Variants in RBFOX3 observed in about 807,000 individuals in gnomAD.
The protein encoded by RBFOX3 is RNA binding fox-1 homolog 3.
A neutral mutation model predicts 48.7 loss-of-function variants in RBFOX3; 17 were observed. The observed-to-expected ratio is 0.35, with a 90% confidence interval of 0.24 to 0.52. RBFOX3 has a LOEUF of 0.52. RBFOX3 is among the 20% of genes least tolerant of loss of function. The probability of loss-of-function intolerance (pLI) is 0.94; values close to 1 mark genes in which losing one functional copy is unlikely to be tolerated. For synonymous variants in RBFOX3, 212 were observed against 209.5 expected, an observed-to-expected ratio of 1.01 and a Z score of -0.10; for missense variants, 382 against 497.5, an observed-to-expected ratio of 0.77 and a Z score of 2.21.
At chr17:79,367,978 C>T (rs1296631336) in intron 2 of RBFOX3, among the ~76,000 whole-genome samples, 9 of 152,210 alleles carry the variant, frequency 5.9e-5, no homozygotes, top group African/African-American at 2.2e-4. Context: ...CAAAGACAAA[C>T]AACAACCGAG....
At chr17:79,130,922 C>T (rs377230065) in intron 4 of RBFOX3, among the ~76,000 whole-genome samples, 12 of 152,256 alleles carry the variant, frequency 7.9e-5, no homozygotes, top group African/African-American at 1.2e-4. Context: ...TGCTAGGACA[C>T]GGTGCGCGGG....
chr17:79,258,488 G>A (rs2065230619), intron 3 of RBFOX3, among the ~76,000 whole-genome samples: 1 of 152,174 alleles, frequency 6.6e-6, no homozygotes, highest in Non-Finnish European at 1.5e-5. Context: ...GAATGTGCTG[G>A]GCCAGCCCTT....
intron 4 of RBFOX3, among the ~76,000 whole-genome samples, chr17:79,223,626 T>A (rs2059980484): frequency 6.6e-6 from 1 of 152,046 alleles, no homozygotes; most frequent in South Asian, 2.1e-4. Flanking sequence ...GCGTGAGACA[T>A]GGAGAGGATG....
intron 2 of RBFOX3, among the ~76,000 whole-genome samples, chr17:79,430,589 C>T (rs1430230056): frequency 6.6e-6 from 1 of 152,224 alleles, no homozygotes; most frequent in East Asian, 1.9e-4. Flanking sequence ...CTGTGTCACC[C>T]AGGTGGAGTA....
intron 2 of RBFOX3, among the ~76,000 whole-genome samples, chr17:79,320,991 G>C (rs34240534): frequency 0.017 from 2,551 of 152,318 alleles, 36 homozygotes; most frequent in Middle Eastern, 0.041. Context: ...AATGTAACTG[G>C]TGGTTCCACC....
intron 4 of RBFOX3, among the ~76,000 whole-genome samples, chr17:79,137,666 C>CG (rs61113464): frequency 0.28 from 42,999 of 152,060 alleles, 7,120 homozygotes; most frequent in East Asian, 0.76. Flanking sequence ...GGGAGGGTGT[C>CG]GGGGGAGGAG....
intron 1 of RBFOX3, among the ~76,000 whole-genome samples, chr17:79,537,831 T>C (rs2089069718): frequency 1.3e-5 from 2 of 152,104 alleles, no homozygotes; most frequent in African/African-American, 4.8e-5. Context: ...GTGGTCACTG[T>C]CTCTCCTACA....
the RBFOX3 span, among the ~76,000 whole-genome samples, chr17:79,619,923 A>G: frequency 6.6e-6 from 1 of 152,208 alleles, no homozygotes; most frequent in Non-Finnish European, 1.5e-5. Context: ...AACGAAAAAT[A>G]ACAAAAACAG....
the RBFOX3 span, among the ~76,000 whole-genome samples, chr17:79,622,462 C>A: frequency 6.6e-6 from 1 of 152,146 alleles, no homozygotes; most frequent in East Asian, 1.9e-4. Flanking sequence ...CTCCCTCCCC[C>A]AGGTCTGAGT....
Position 79,605,706 on chromosome 17 carries a change from A to G in RBFOX3, c.-320+5120T>C, listed in dbSNP as rs931030309. Among the ~76,000 whole-genome samples, 16 of 152,350 alleles carry G rather than the reference A, an allele frequency of 1.1e-4. No individual in the cohort carries two copies. The South Asian group carries it at 2.5e-3, about 24-fold the overall frequency. On this transcript the variant is annotated intron_variant, in intron 1 of 14. Coordinates refer to ENST00000693108, the MANE Select transcript of RBFOX3 (RefSeq NM_001350451.2). The stretch of plus-strand genomic sequence containing the variant: ...TTCCTCTTTCTTTTTTCTGCTGGGA[A>G]TATGTTCTGAGCACAAATAATTAAA...
At chr17:79,643,311 T>C in the RBFOX3 span, among the ~76,000 whole-genome samples, 1 of 152,180 alleles carries the variant, frequency 6.6e-6, no homozygotes, top group Admixed American at 6.5e-5. Flanking sequence ...TCACAATACA[T>C]AAGGAAAAAG....
At position 79,254,839 on chromosome 17, in the gene RBFOX3, C is replaced by A. The variant is rs760618553; in HGVS notation, c.-73-19034G>T. On this transcript the variant is annotated intron_variant, in intron 3 of 14. Coordinates refer to ENST00000693108, the MANE Select transcript of RBFOX3 (RefSeq NM_001350451.2). The surrounding 1 kb of genome is among the most constrained non-coding windows in gnomAD (Gnocchi z 4.8). ...AGTGCTGGATGGCCCAGGTTATGGC[C>A]ACTTGGCTATCACCATGGGCTGGAC... is the stretch of plus-strand genomic sequence containing the variant. Among the ~76,000 whole-genome samples the A allele has an allele frequency of 2.0e-5, 3 of 152,136 alleles. No individual in the cohort carries two copies. The highest frequency in any genetic ancestry group is 2.9e-5 in the Non-Finnish European group (2 of 68,016).
chr17:79,149,188 G>A (rs1003588013), intron 4 of RBFOX3, among the ~76,000 whole-genome samples: 5 of 152,244 alleles, frequency 3.3e-5, no homozygotes, highest in East Asian at 1.9e-4. Flanking sequence ...TATTATTGCC[G>A]GGGTTACACC....
intron 2 of RBFOX3, among the ~76,000 whole-genome samples, chr17:79,323,590 C>A (rs2078867971): frequency 6.6e-6 from 1 of 152,236 alleles, no homozygotes; most frequent in African/African-American, 2.4e-5. Context: ...AGTGACTCCA[C>A]CTGCCCACCC....
Position 79,480,642 on chromosome 17 carries a change from C to T in RBFOX3, c.-175+1812G>A, listed in dbSNP as rs2078642090. 1.3e-5 allele frequency among the ~76,000 whole-genome samples: 2 copies of T among 152,178 alleles called. No individual in the cohort carries two copies. The highest frequency in any genetic ancestry group is 1.9e-4 in the East Asian group (1 of 5,194). Reference sequence around the variant, plus strand: ...CTGCTACTTCTCCAGCATGCCCACACGTTGCTGCCTCGGCGCCTTGGCACT... The same window carrying T: ...CTGCTACTTCTCCAGCATGCCCACATGTTGCTGCCTCGGCGCCTTGGCACT... On this transcript the variant is annotated intron_variant, in intron 2 of 14. Transcript: ENST00000693108. This position sits in a 1 kb window ranked among gnomAD's most constrained non-coding sequence, Gnocchi z 4.8.
At chr17:79,500,846 C>T (rs1248091898) in intron 1 of RBFOX3, among the ~76,000 whole-genome samples, 1 of 152,206 alleles carries the variant, frequency 6.6e-6, no homozygotes, top group Non-Finnish European at 1.5e-5. Context: ...GTGGGCCAGG[C>T]TTGGAGATGC....
At chr17:79,248,983 A>G (rs1169815700) in intron 3 of RBFOX3, among the ~76,000 whole-genome samples, 1 of 152,158 alleles carries the variant, frequency 6.6e-6, no homozygotes, top group Non-Finnish European at 1.5e-5. Flanking sequence ...CCAAGCCCCC[A>G]TTCTGAGCTG....
Position 79,111,537 on chromosome 17 carries a change from G to C in RBFOX3, c.222+3957C>G, listed in dbSNP as rs1297403305. Among the ~76,000 whole-genome samples, 1 of 152,230 alleles carries C rather than the reference G, an allele frequency of 6.6e-6. No individual in the cohort carries two copies. Among genetic ancestry groups the C allele is most frequent in the East Asian group, 1.9e-4 (1 of 5,190 alleles). On this transcript the variant is annotated intron_variant, in intron 5 of 14. Coordinates refer to ENST00000693108, the MANE Select transcript of RBFOX3 (RefSeq NM_001350451.2). The surrounding 1 kb of genome is among the most constrained non-coding windows in gnomAD (Gnocchi z 4.2). The stretch of plus-strand genomic sequence containing the variant: ...TGCAACCTCCACCTCCTGGGTTCAA[G>C]TGATTCTCCTGCCTCAGCCTCCCGG...
intron 3 of RBFOX3, among the ~76,000 whole-genome samples, chr17:79,269,509 C>G (rs545476384): frequency 1.3e-5 from 2 of 152,208 alleles, no homozygotes; most frequent in Non-Finnish European, 2.9e-5. Flanking sequence ...AAATTCCCCC[C>G]TTGAGGATCA....
Sources: allele counts gnomAD v4.1 joint callset (sites outside exome capture counted in the v4.1 genomes callset), GRCh38; gene constraint gnomAD v4.1.1; non-coding constraint Gnocchi (gnomAD v3.1); transcripts MANE v1.5; gene names NCBI Gene and HGNC (gene_info 2026-07-23, HGNC 2026-07-21).